Variants in MIPEP observed in about 807,000 individuals in gnomAD.
MIPEP encodes the protein mitochondrial intermediate peptidase.
A neutral mutation model predicts 90.3 loss-of-function variants in MIPEP; 79 were observed. The observed-to-expected ratio is 0.87, with a 90% CI of 0.73 to 1.05. The LOEUF (loss-of-function observed/expected upper bound fraction) is 1.05, where lower values mean the gene tolerates loss of function less well. MIPEP is among the 50% of genes least tolerant of loss of function. The probability of loss-of-function intolerance (pLI) is 0.00; values close to 1 mark genes in which losing one functional copy is unlikely to be tolerated. For synonymous variants in MIPEP, 334 were observed against 315.8 expected, an observed-to-expected ratio of 1.06 and a Z score of -0.61; for missense variants, 940 against 905.6, an observed-to-expected ratio of 1.04 and a Z score of -0.49.
intron 10 of MIPEP, among the ~76,000 whole-genome samples, chr13:23,857,314 TA>T (rs1235041858): frequency 6.6e-6 from 1 of 151,932 alleles, no homozygotes; most frequent in Non-Finnish European, 1.5e-5. Flanking sequence ...GTGTTTTCAC[TA>T]AAAAAAAGAC....
chr13:23,834,873 T>C (rs1175970125), intron 14 of MIPEP, among the ~76,000 whole-genome samples: 1 of 152,144 alleles, frequency 6.6e-6, no homozygotes, highest in African/African-American at 2.4e-5. Flanking sequence ...CCTCTCTATG[T>C]TATTGGCCAA....
intron 18 of MIPEP, among the ~76,000 whole-genome samples, chr13:23,734,968 C>T (rs895792563): frequency 6.6e-6 from 1 of 152,182 alleles, no homozygotes; most frequent in Admixed American, 6.5e-5. Flanking sequence ...CAAATGCCAG[C>T]CATTAGAAAG....
chr13:23,739,022 C>CTGGAAAA (rs1239352726), intron 18 of MIPEP, among the ~76,000 whole-genome samples: 4 of 152,206 alleles, frequency 2.6e-5, no homozygotes, highest in African/African-American at 7.2e-5. Flanking sequence ...CAACTGGCAA[C>CTGGAAAA]TATAACTTGA....
intron 9 of MIPEP, 110 bp from the exon 10 acceptor site, chr13:23,859,022 G>C (rs1330784118): frequency 1.6e-5 from 14 of 858,642 alleles, no homozygotes; most frequent in Non-Finnish European, 2.6e-5. Flanking sequence ...ATGTAAATCA[G>C]AACAATTTTA....
At chr13:23,885,955 T>C (rs1006914184) in intron 2 of MIPEP, among the ~76,000 whole-genome samples, 7 of 151,206 alleles carry the variant, frequency 4.6e-5, no homozygotes, top group Admixed American at 1.3e-4. Context: ...GTTGTAAATG[T>C]ACACATAAAG....
intron 1 of MIPEP, chr13:23,888,703 T>C (rs1301568410): frequency 1.0e-6 from 1 of 1,000,354 alleles, no homozygotes; most frequent in Non-Finnish European, 1.2e-6. Context: ...GGCAGCCGTG[T>C]CCTTGCAAAA....
Position 23,889,393 on chromosome 13 carries a change from G to A in MIPEP, c.-73C>T. The A allele has an allele frequency of 4.9e-6, 6 of 1,216,498 alleles. No individual in the cohort carries two copies. Among genetic ancestry groups the A allele is most frequent in the Non-Finnish European group, 4.1e-6 (4 of 969,480 alleles). The allele number at this position is 1,216,498 out of a possible 1,614,324, so 75.4% of individuals were successfully genotyped here. ...TGCTTTCGCTGGGAGCGCGCGCTCC[G>A]CGTTTCCAAGGCAGCAGCCCACGCC... On this transcript the variant is annotated 5_prime_UTR_variant, in exon 1 of 19. Transcript: ENST00000382172.
Position 23,730,351 on chromosome 13 carries a change from T to C in MIPEP, c.2139A>G (p.Glu713=). 6.2e-7 allele frequency: 1 copy of C among 1,605,290 alleles called. No homozygotes were observed. Among genetic ancestry groups the C allele is most frequent in the East Asian group, 2.2e-5 (1 of 44,526 alleles). Reference sequence around the variant, plus strand: ...TAAGAGGTGTAGAGTGTTTCTTTTATTCAGAATCCATGAGGAAAGTTTCGA... The same window carrying C: ...TAAGAGGTGTAGAGTGTTTCTTTTACTCAGAATCCATGAGGAAAGTTTCGA... ...LDFETFLMDS[E] is the part of the protein sequence containing the mutation. The change falls in exon 19 of 19, where the codon GAA becomes GAG. Residue 713 remains glutamate, a synonymous_variant. Coordinates refer to ENST00000382172, the MANE Select transcript of MIPEP (RefSeq NM_005932.4).
intron 14 of MIPEP, among the ~76,000 whole-genome samples, chr13:23,811,913 C>T (rs1208623477): frequency 2.6e-5 from 4 of 152,000 alleles, no homozygotes; most frequent in Non-Finnish European, 4.4e-5. Flanking sequence ...ATTTGAGAAA[C>T]GCCTTCTGTT....
At chr13:23,777,750 T>C (rs1466006909) in intron 16 of MIPEP, among the ~76,000 whole-genome samples, 1 of 152,228 alleles carries the variant, frequency 6.6e-6, no homozygotes, top group African/African-American at 2.4e-5. Context: ...TAGAGCTGAA[T>C]TACCTTATTT....
intron 18 of MIPEP, among the ~76,000 whole-genome samples, chr13:23,737,589 C>G (rs1179392022): frequency 6.6e-6 from 1 of 152,194 alleles, no homozygotes; most frequent in Non-Finnish European, 1.5e-5. Context: ...AAGTTCATAT[C>G]CTGTTATTTT....
intron 10 of MIPEP, among the ~76,000 whole-genome samples, chr13:23,855,108 T>A (rs1168185613): frequency 6.6e-6 from 1 of 152,150 alleles, no homozygotes; most frequent in Admixed American, 6.6e-5. Flanking sequence ...TTCTTAACAT[T>A]GTTGATTTTT....
intron 1 of MIPEP, 138 bp from the exon 2 acceptor site, chr13:23,886,644 C>T (rs1871495212): frequency 1.8e-6 from 1 of 541,632 alleles, no homozygotes. Flanking sequence ...ATCACAGATA[C>T]CACTATCATA....
intron 14 of MIPEP, among the ~76,000 whole-genome samples, chr13:23,824,051 T>C (rs990158968): frequency 2.6e-5 from 4 of 152,186 alleles, no homozygotes; most frequent in Non-Finnish European, 5.9e-5. Flanking sequence ...TTAAAACAAA[T>C]AGCTTTCCCA....
intron 16 of MIPEP, among the ~76,000 whole-genome samples, chr13:23,772,553 G>C (rs999923514): frequency 4.6e-5 from 7 of 152,056 alleles, no homozygotes; most frequent in Non-Finnish European, 8.8e-5. Flanking sequence ...TAATATTATA[G>C]GTATTTTATA....
chr13:23,859,894 T>C (rs923869516), intron 9 of MIPEP, among the ~76,000 whole-genome samples: 2 of 152,262 alleles, frequency 1.3e-5, no homozygotes, highest in Non-Finnish European at 2.9e-5. Flanking sequence ...AATACTTATA[T>C]CATGGGATGC....
At chr13:23,735,394 T>C (rs1952251593) in intron 18 of MIPEP, among the ~76,000 whole-genome samples, 1 of 152,220 alleles carries the variant, frequency 6.6e-6, no homozygotes, top group Non-Finnish European at 1.5e-5. Flanking sequence ...AACATTTCTA[T>C]AATTACATGA....
chr13:23,844,275 G>A (rs879703651), intron 10 of MIPEP, among the ~76,000 whole-genome samples: 1 of 152,152 alleles, frequency 6.6e-6, no homozygotes, highest in Non-Finnish European at 1.5e-5. Flanking sequence ...AGAGAAAGGA[G>A]TGCATGGAAA....
intron 16 of MIPEP, among the ~76,000 whole-genome samples, chr13:23,779,764 C>A (rs935725424): frequency 4.6e-5 from 7 of 152,208 alleles, no homozygotes; most frequent in African/African-American, 1.7e-4. Context: ...CACCCTAATA[C>A]TGTACTTTTC....
Sources: allele counts gnomAD v4.1 joint callset (sites outside exome capture counted in the v4.1 genomes callset), GRCh38; gene constraint gnomAD v4.1.1; transcripts MANE v1.5; gene names NCBI Gene and HGNC (gene_info 2026-07-23, HGNC 2026-07-21).